PRMT8: variants seen among roughly 807,000 people sequenced by gnomAD.
PRMT8 encodes the protein protein arginine methyltransferase 8.
In PRMT8, 7 loss-of-function variants were observed where a neutral mutation model predicts 47.1. That is an observed-to-expected ratio of 0.15 (90% CI 0.08 to 0.28). The LOEUF (loss-of-function observed/expected upper bound fraction) is 0.28. Ranked by LOEUF, PRMT8 falls within the 10% of genes least tolerant of loss-of-function variation. The pLI, the probability that PRMT8 is intolerant of heterozygous loss-of-function variation, is 1.00. For synonymous variants in PRMT8, 188 were observed against 186.5 expected (o/e 1.01, Z -0.07); for missense variants, 237 against 505.4 (o/e 0.47, Z 5.09).
At chr12:3,452,855 A>G (rs1864934739) in intron 1 of PRMT8, among the ~76,000 whole-genome samples, 1 of 152,196 alleles carries the variant, frequency 6.6e-6, no homozygotes, top group South Asian at 2.1e-4. Flanking sequence ...TGCTGTGGAA[A>G]TAACTGTAGG....
chr12:3,469,292 T>C (rs1865136415), intron 1 of PRMT8: 3 of 437,138 alleles, frequency 6.9e-6, no homozygotes, highest in South Asian at 3.7e-5. Context: ...CCAAAGCCCA[T>C]GTAAGGAGCT....
At position 3,409,702 on chromosome 12, in the gene PRMT8, C is replaced by G. The variant is rs1407422833; in HGVS notation, c.48+28260C>G. On this transcript the variant is annotated intron_variant, in intron 1 of 9. Transcript: ENST00000452611. This position sits in a 1 kb window ranked among gnomAD's most constrained non-coding sequence, Gnocchi z 4.4. Reference sequence around the variant, plus strand: ...TGTGGGATGCCACATCAGCTCAGCCCTGGAAGATGCAGCTGCTCAGCTCAT... The same window carrying G: ...TGTGGGATGCCACATCAGCTCAGCCGTGGAAGATGCAGCTGCTCAGCTCAT... 6.6e-6 allele frequency among the ~76,000 whole-genome samples: 1 copy of G among 152,068 alleles called. No individual in the cohort carries two copies. The highest frequency in any genetic ancestry group is 2.4e-5 in the African/African-American group (1 of 41,396).
chr12:3,391,240 A>G (rs1458805602), intron 1 of PRMT8, among the ~76,000 whole-genome samples: 4 of 152,222 alleles, frequency 2.6e-5, no homozygotes, highest in Non-Finnish European at 5.9e-5. Context: ...CTTGCAATCC[A>G]CTGGAGGGGA....
intron 1 of PRMT8, among the ~76,000 whole-genome samples, chr12:3,422,168 C>T (rs1438427224): frequency 6.6e-6 from 1 of 152,330 alleles, no homozygotes; most frequent in Admixed American, 6.5e-5. Flanking sequence ...TAAAATGATC[C>T]CCAAGTGCAT....
chr12:3,441,739 G>A (rs58324002), intron 1 of PRMT8, among the ~76,000 whole-genome samples: 2,385 of 152,318 alleles, frequency 0.016, 38 homozygotes, highest in Middle Eastern at 0.02. Flanking sequence ...TCGAATATTC[G>A]TGCAATGTAA....
chr12:3,397,556 C>T (rs1182418471), intron 1 of PRMT8, among the ~76,000 whole-genome samples: 8 of 151,634 alleles, frequency 5.3e-5, no homozygotes, highest in Non-Finnish European at 1.0e-4. Flanking sequence ...CTTGAGGAGG[C>T]AGTCTGCCCG....
intron 4 of PRMT8, among the ~76,000 whole-genome samples, chr12:3,561,462 A>G: frequency 6.6e-6 from 1 of 152,280 alleles, no homozygotes; most frequent in East Asian, 1.9e-4. Context: ...TTCAACACCA[A>G]GTTGTTAGAG....
intron 2 of PRMT8, among the ~76,000 whole-genome samples, chr12:3,547,168 A>G (rs1322341609): frequency 2.0e-5 from 3 of 152,248 alleles, no homozygotes; most frequent in East Asian, 1.9e-4. Flanking sequence ...CTTAATGGAT[A>G]TATTATTGGA....
At chr12:3,563,343 C>T (rs754316586) in intron 4 of PRMT8, among the ~76,000 whole-genome samples, 3 of 151,760 alleles carry the variant, frequency 2.0e-5, no homozygotes, top group African/African-American at 2.4e-5. Context: ...AGCAGACCCT[C>T]GAGTCCTATG....
At chr12:3,388,326 A>C (rs1161126317) in intron 1 of PRMT8, among the ~76,000 whole-genome samples, 1 of 152,174 alleles carries the variant, frequency 6.6e-6, no homozygotes, top group Non-Finnish European at 1.5e-5. Context: ...ATATTGCATA[A>C]GTGACATTGT....
intron 1 of PRMT8, among the ~76,000 whole-genome samples, chr12:3,484,602 C>T (rs1444440435): frequency 6.6e-6 from 1 of 152,242 alleles, no homozygotes; most frequent in East Asian, 1.9e-4. Context: ...GTCCTCACAA[C>T]CCCTTAGCCA....
intron 1 of PRMT8, among the ~76,000 whole-genome samples, chr12:3,534,576 A>G (rs1432438326): frequency 6.6e-6 from 1 of 152,132 alleles, no homozygotes; most frequent in East Asian, 1.9e-4. Flanking sequence ...CAGTCTCTCC[A>G]TCTGCACCCT....
chr12:3,555,528 G>A (rs545421017), intron 4 of PRMT8, among the ~76,000 whole-genome samples: 1 of 152,322 alleles, frequency 6.6e-6, no homozygotes, highest in South Asian at 2.1e-4. Flanking sequence ...AGATCACACA[G>A]GATTTGTAAC....
At chr12:3,496,214 A>ATATTTTTTTTTTTTT in intron 1 of PRMT8, among the ~76,000 whole-genome samples, 1 of 27,756 alleles carries the variant, frequency 3.6e-5, no homozygotes, top group African/African-American at 8.8e-5. Context: ...ATATATATAT[A>ATATTTTTTTTTTTTT]TTTTTTTTTT....
At chr12:3,590,596 C>G (rs900339985) in intron 8 of PRMT8, among the ~76,000 whole-genome samples, 1 of 150,662 alleles carries the variant, frequency 6.6e-6, no homozygotes, top group Admixed American at 6.6e-5. Context: ...AGACCCTTAT[C>G]TTATCCCCAA....
Position 3,491,525 on chromosome 12 carries a change from A to ATTT in PRMT8, c.-92_-90dup. The ATTT allele has an allele frequency of 8.5e-7, 1 of 1,171,080 alleles. No individual in the cohort carries two copies. The highest frequency in any genetic ancestry group is 1.1e-6 in the Non-Finnish European group (1 of 886,870). The allele number at this position is 1,171,080 out of a possible 1,614,324, so 72.5% of individuals were successfully genotyped here. On this transcript the variant is annotated 5_prime_UTR_variant, in exon 1 of 10. Coordinates refer to ENST00000382622, the MANE Select transcript of PRMT8 (RefSeq NM_019854.5). ...CGCTCCAGCTGAGGGGCTGGGTTGG[A>ATTT]TTTTTTTTTTTCTCCCATCCTCTCG... is the stretch of plus-strand genomic sequence containing the variant.
intron 1 of PRMT8, among the ~76,000 whole-genome samples, chr12:3,527,366 G>C (rs1865963406): frequency 6.6e-6 from 1 of 152,000 alleles, no homozygotes; most frequent in Non-Finnish European, 1.5e-5. Context: ...GAATATGCTG[G>C]ACAAAGGGAT....
chr12:3,441,121 A>T (rs1268647435), intron 1 of PRMT8, among the ~76,000 whole-genome samples: 1 of 152,246 alleles, frequency 6.6e-6, no homozygotes, highest in South Asian at 2.1e-4. Flanking sequence ...TAACTCCAGC[A>T]TGTAAAAAAT....
chr12:3,498,317 G>T (rs896217736), intron 1 of PRMT8, among the ~76,000 whole-genome samples: 6 of 152,364 alleles, frequency 3.9e-5, no homozygotes, highest in Admixed American at 1.3e-4. Context: ...GGCTGCGAAG[G>T]CATGAGAAGA....
Sources: allele counts gnomAD v4.1 joint callset (sites outside exome capture counted in the v4.1 genomes callset), GRCh38; gene constraint gnomAD v4.1.1; non-coding constraint Gnocchi (gnomAD v3.1); transcripts MANE v1.5; gene names NCBI Gene and HGNC (gene_info 2026-07-23, HGNC 2026-07-21).